Variants in STK10 observed in about 807,000 individuals in gnomAD.
STK10 encodes serine/threonine kinase 10.
A neutral mutation model predicts 113.8 loss-of-function variants in STK10; 78 were observed. The observed-to-expected ratio is 0.69, with a 90% CI of 0.57 to 0.83. The LOEUF (loss-of-function observed/expected upper bound fraction) is 0.83, where lower values mean the gene tolerates loss of function less well. Among genes scored for constraint, STK10 ranks in the 40% least tolerant of loss-of-function variants. The pLI is 0.00. For missense variants in STK10, 1,109 were observed against 1,280.1 expected, an observed-to-expected ratio of 0.87 and a Z score of 2.04; for synonymous variants, 465 against 494.7, an observed-to-expected ratio of 0.94 and a Z score of 0.80.
chr5:172,088,000 A>C (rs554416486), intron 10 of STK10, among the ~76,000 whole-genome samples: 4 of 152,048 alleles, frequency 2.6e-5, no homozygotes, highest in Admixed American at 2.6e-4. Context: ...AACGCAGCTC[A>C]CTGCAGCCTT....
chr5:172,082,470 G>A lies in STK10; in HGVS notation c.1845C>T (p.Asn615=). The A allele has an allele frequency of 6.2e-7, 1 of 1,605,440 alleles. No homozygotes were observed. The highest frequency in any genetic ancestry group is 8.5e-7 in the Non-Finnish European group (1 of 1,177,034). The change falls in exon 12 of 19, where the codon AAC becomes AAT. Residue 615 remains asparagine (N), a synonymous_variant. Coordinates refer to ENST00000176763, the MANE Select transcript of STK10 (RefSeq NM_005990.4). This position sits in a 1 kb window ranked among gnomAD's most constrained non-coding sequence, Gnocchi z 4.3. ...CTTGCTGCTTTTGCTGACGCTCCAG[G>A]TTCTCTAATTCCGTGTCAAAGAACT... ...KKKFFDTELE[N]LERQQKQQVE...
rs1308459430 is a variant in STK10 at position 172,156,754 on chromosome 5, G to A, written c.191C>T (p.Ala64Val). Residue 64 changes from alanine to valine, a missense_variant, in exon 2 of 19, where the codon GCC becomes GTC. Coordinates refer to ENST00000176763, the MANE Select transcript of STK10 (RefSeq NM_005990.4). Reference sequence around the variant, plus strand: ...CTCACTCTTGGTTTCAATGACTTTGGCCGCAGCCAAAGCACCCGTCTCCTT... The same window carrying A: ...CTCACTCTTGGTTTCAATGACTTTGACCGCAGCCAAAGCACCCGTCTCCTT... ...KNKETGALAA[A>V]KVIETKSEEE... 1 of 1,613,952 alleles carries A rather than the reference G, an allele frequency of 6.2e-7. No homozygotes were observed. Among genetic ancestry groups the A allele is most frequent in the Non-Finnish European group, 8.5e-7 (1 of 1,179,966 alleles).
Position 172,083,038 on chromosome 5 carries a change from G to A in STK10, c.1732C>T (p.Arg578Trp), listed in dbSNP as rs1768470112. The A allele has an allele frequency of 1.9e-6, 3 of 1,614,000 alleles. No homozygotes were observed. The highest frequency in any genetic ancestry group is 1.7e-6 in the Non-Finnish European group (2 of 1,180,042). Residue 578 changes from arginine to tryptophan, a missense_variant, in exon 11 of 19, where the codon CGG becomes TGG. Arg to Trp is a moderately radical substitution (Grantham distance 101). Transcript: ENST00000176763. The part of the protein sequence containing the change: ...ELRLLQKEEH[R>W]NQTQLSNKHE... The stretch of plus-strand genomic sequence containing the variant: ...TTGTTACTCAGCTGGGTCTGGTTCC[G>A]ATGCTCTTCTTTCTGGAGCAGCCGA...
intron 2 of STK10, among the ~76,000 whole-genome samples, chr5:172,149,800 C>T (rs977575128): frequency 6.6e-6 from 1 of 151,978 alleles, no homozygotes; most frequent in Non-Finnish European, 1.5e-5. Context: ...AATCCCAACA[C>T]TTTGGGAGGC....
chr5:172,105,930 C>T (rs1441457818), intron 6 of STK10, among the ~76,000 whole-genome samples, 193 bp from the exon 7 acceptor site: 1 of 152,308 alleles, frequency 6.6e-6, no homozygotes, highest in African/African-American at 2.4e-5. Flanking sequence ...ACCCAGACAT[C>T]GGCGAGGAGC....
chr5:172,146,862 C>G (rs1770097808), intron 2 of STK10, among the ~76,000 whole-genome samples: 1 of 152,214 alleles, frequency 6.6e-6, no homozygotes, highest in Non-Finnish European at 1.5e-5. Flanking sequence ...CACACACAGG[C>G]AGTGGACACC....
intron 14 of STK10, 67 bp from the exon 15 acceptor site, chr5:172,057,540 C>G (rs1442475597): frequency 6.6e-6 from 10 of 1,515,836 alleles, no homozygotes; most frequent in Non-Finnish European, 8.0e-6. Context: ...CCCCCTGCCC[C>G]CCACCTCTGC....
chr5:172,176,077 T>C (rs1033446284), intron 1 of STK10, among the ~76,000 whole-genome samples: 5 of 152,206 alleles, frequency 3.3e-5, no homozygotes, highest in Non-Finnish European at 5.9e-5. Context: ...TCTTCCAGTG[T>C]CCTAGACTAA....
chr5:172,116,381 C>T (rs935683839), intron 4 of STK10, among the ~76,000 whole-genome samples: 7 of 151,848 alleles, frequency 4.6e-5, no homozygotes, highest in Non-Finnish European at 8.8e-5. Flanking sequence ...CATGCCTGGC[C>T]GAAAATCATT....
In STK10 at chr5:172,175,567, C is replaced by T. The variant is rs528668440; in HGVS notation, c.156+12320G>A. Among the ~76,000 whole-genome samples, 6 of 152,194 alleles carry T rather than the reference C, an allele frequency of 3.9e-5. No homozygotes were observed. In the South Asian group the frequency reaches 8.3e-4, roughly 21 times the overall value. On this transcript the variant is annotated intron_variant, in intron 1 of 18. Coordinates refer to ENST00000176763, the MANE Select transcript of STK10 (RefSeq NM_005990.4). ...CCCTGACACCCGCCCTTTTCCCCTGCCACTTCCTGTGCTAGTCCTGCCTGC... is the reference window on the plus strand; with the variant it reads ...CCCTGACACCCGCCCTTTTCCCCTGTCACTTCCTGTGCTAGTCCTGCCTGC...
At position 172,082,564 on chromosome 5, in the gene STK10, A is replaced by G; in HGVS notation, c.1810-59T>C. Reference sequence around the variant, plus strand: ...AAGTCACTTTATACCTGGGAGGGACATGGGAAGTGGAATGGGGAGAACTCA... The same window carrying G: ...AAGTCACTTTATACCTGGGAGGGACGTGGGAAGTGGAATGGGGAGAACTCA... On this transcript the variant is annotated intron_variant, in intron 11 of 18. Transcript: ENST00000176763. This position sits in a 1 kb window ranked among gnomAD's most constrained non-coding sequence, Gnocchi z 4.3. 2 of 1,515,230 alleles carry G rather than the reference A, an allele frequency of 1.3e-6. No individual in the cohort carries two copies. Among genetic ancestry groups the G allele is most frequent in the Non-Finnish European group, 8.8e-7 (1 of 1,131,212 alleles). 93.9% of individuals were successfully genotyped at this position (1,515,230 alleles called of 1,614,324 possible).
chr5:172,165,444 G>A (rs944563689), intron 1 of STK10, among the ~76,000 whole-genome samples: 33 of 152,188 alleles, frequency 2.2e-4, no homozygotes, highest in African/African-American at 7.5e-4. Context: ...CTGTTCCTGG[G>A]GCACCCCTAA....
intron 17 of STK10, 31 bp downstream of exon 17, chr5:172,054,538 G>A: frequency 6.3e-7 from 1 of 1,595,784 alleles, no homozygotes; most frequent in Non-Finnish European, 8.5e-7. Context: ...AGGCAGCCTG[G>A]GGGCAGGGGC....
intron 10 of STK10, among the ~76,000 whole-genome samples, chr5:172,083,532 A>G (rs2113732466): frequency 6.6e-6 from 1 of 152,326 alleles, no homozygotes; most frequent in African/African-American, 2.4e-5. Context: ...ATTTGGTAAT[A>G]AGCTTATGTT....
intron 12 of STK10, among the ~76,000 whole-genome samples, chr5:172,068,079 G>A (rs549920964): frequency 3.9e-5 from 6 of 152,310 alleles, no homozygotes; most frequent in South Asian, 4.2e-4. Context: ...GGTGGCTCAC[G>A]CCTGTAATCC....
At chr5:172,166,413 G>T (rs554008357) in intron 1 of STK10, among the ~76,000 whole-genome samples, 1 of 152,238 alleles carries the variant, frequency 6.6e-6, no homozygotes, top group Non-Finnish European at 1.5e-5. Context: ...CTCTGGGGCT[G>T]TTCCAGCAAG....
At chr5:172,181,913 T>G (rs201139820) in intron 1 of STK10, among the ~76,000 whole-genome samples, 2 of 152,186 alleles carry the variant, frequency 1.3e-5, no homozygotes, top group Non-Finnish European at 2.9e-5. Context: ...TATATCAACA[T>G]GTCAACAGAC....
rs1767982806 is a variant in STK10 at position 172,063,669 on chromosome 5, GACA to G, written c.2082+1048_2082+1050del. ...TTCCTAATCGTGCTGTAATGGGACA[GACA>G]GGTCATAGGGTGTCCCGGAGAGAAC... On this transcript the variant is annotated intron_variant, in intron 13 of 18. Coordinates refer to ENST00000176763, the MANE Select transcript of STK10 (RefSeq NM_005990.4). 2.5e-5 allele frequency: 3 copies of G among 119,918 alleles called. No homozygotes were observed. In the South Asian group the frequency reaches 7.8e-4, roughly 31 times the overall value. 7.4% of individuals were successfully genotyped at this position (119,918 alleles called of 1,614,324 possible).
intron 13 of STK10, 36 bp from the exon 14 acceptor site, chr5:172,061,304 G>A (rs750049192): frequency 6.3e-7 from 1 of 1,577,966 alleles, no homozygotes. Context: ...TTTATCCAGA[G>A]CCGGCTTGGG....
Sources: gnomAD v4.1 joint callset for allele counts (sites outside exome capture counted in the v4.1 genomes callset) on GRCh38, gnomAD v4.1.1 for gene constraint, Gnocchi (gnomAD v3.1) non-coding constraint, MANE v1.5 for transcripts, NCBI Gene and HGNC (gene_info 2026-07-23, HGNC 2026-07-21) for gene names.